CD46: variants seen among roughly 807,000 people sequenced by gnomAD.
The protein encoded by CD46 is membrane cofactor protein.
A neutral mutation model predicts 53.3 loss-of-function variants in CD46; 30 were observed. The observed-to-expected ratio is 0.56, with a 90% CI of 0.42 to 0.76. The LOEUF (loss-of-function observed/expected upper bound fraction) is 0.76. Ranked by LOEUF, CD46 falls within the 30% of genes least tolerant of loss-of-function variation. CD46 has a pLI of 0.00. For missense variants in CD46, 409 were observed against 463.0 expected (o/e 0.88, Z 1.07); for synonymous variants, 142 against 152.0 (o/e 0.93, Z 0.48).
At chr1:207,757,454 A>G (rs749145974) in intron 2 of CD46, 86 bp from the exon 3 acceptor site, 16 of 885,378 alleles carry the variant, frequency 1.8e-5, no homozygotes, top group Non-Finnish European at 2.8e-5. Flanking sequence ...ATTCCCACCC[A>G]TTCAAAAGAG....
chr1:207,785,518 G>A (rs1040644689), intron 10 of CD46, 101 bp from the exon 11 acceptor site: 56 of 863,868 alleles, frequency 6.5e-5, no homozygotes, highest in Non-Finnish European at 8.4e-5. Context: ...AATAACATTT[G>A]ACCACTGAAA....
intron 9 of CD46, 76 bp from the exon 10 acceptor site, chr1:207,784,995 T>C (rs1434583182): frequency 4.8e-6 from 6 of 1,237,952 alleles, no homozygotes; most frequent in Non-Finnish European, 7.1e-6. Flanking sequence ...ATATCAAGTG[T>C]TTAGATGATC....
chr1:207,775,291 TC>T (rs1657976416), intron 8 of CD46, among the ~76,000 whole-genome samples: 1 of 152,244 alleles, frequency 6.6e-6, no homozygotes, highest in Non-Finnish European at 1.5e-5. Flanking sequence ...TAATCTTTTT[TC>T]AAGGTTTTTA....
intron 1 of CD46, among the ~76,000 whole-genome samples, chr1:207,755,584 C>G (rs910750158): frequency 1.3e-5 from 2 of 152,188 alleles, no homozygotes; most frequent in African/African-American, 4.8e-5. Context: ...GGACAAAACC[C>G]GCAATCTCCT....
intron 8 of CD46, among the ~76,000 whole-genome samples, chr1:207,779,884 ATTC>A (rs962170225): frequency 5.0e-5 from 5 of 100,808 alleles, no homozygotes; most frequent in African/African-American, 1.9e-4. Context: ...AACTTTGTCC[ATTC>A]TTCTATTCTT....
intron 3 of CD46, 142 bp from the exon 4 acceptor site, chr1:207,759,497 T>C (rs962083708): frequency 1.3e-5 from 8 of 603,976 alleles, no homozygotes; most frequent in African/African-American, 1.1e-4. Context: ...TTTAGCACTT[T>C]CGTTATATAG....
intron 8 of CD46, among the ~76,000 whole-genome samples, chr1:207,782,228 G>A (rs1238649284): frequency 6.6e-6 from 1 of 151,996 alleles, no homozygotes; most frequent in Non-Finnish European, 1.5e-5. Context: ...TTCATTGTTA[G>A]TGTATAGAAA....
intron 8 of CD46, among the ~76,000 whole-genome samples, chr1:207,782,680 G>A (rs1658873807): frequency 8.9e-6 from 1 of 112,856 alleles, no homozygotes; most frequent in East Asian, 2.8e-4. Context: ...ACAGAGTCTC[G>A]CTGTGTTGCC....
chr1:207,770,805 A>G (rs891953332), intron 8 of CD46, among the ~76,000 whole-genome samples: 5 of 152,178 alleles, frequency 3.3e-5, no homozygotes, highest in African/African-American at 1.2e-4. Flanking sequence ...TCTATCATTG[A>G]TGGACATTCG....
At chr1:207,761,580 A>G (rs1656223299) in intron 5 of CD46, 134 bp downstream of exon 5, 2 of 721,348 alleles carry the variant, frequency 2.8e-6, no homozygotes, top group East Asian at 2.7e-5. Context: ...ATTTATTTTA[A>G]TTCAGGTCAA....
Position 207,752,976 on chromosome 1 carries a change from G to A in CD46, c.97+667G>A, listed in dbSNP as rs917565997. Among the ~76,000 whole-genome samples, 2 of 151,960 alleles carry A rather than the reference G, an allele frequency of 1.3e-5. No homozygotes were observed. Among genetic ancestry groups the A allele is most frequent in the African/African-American group, 2.4e-5 (1 of 41,350 alleles). Reference sequence around the variant, plus strand: ...GTGAGAGCAGGCTCTCGGTGCCTGGGGTTAGAGAGGTGGTAAGGGCGCGCC... The same window carrying A: ...GTGAGAGCAGGCTCTCGGTGCCTGGAGTTAGAGAGGTGGTAAGGGCGCGCC... On this transcript the variant is annotated intron_variant, in intron 1 of 12. Transcript: ENST00000367042. This position sits in a 1 kb window ranked among gnomAD's most constrained non-coding sequence, Gnocchi z 4.1.
intron 10 of CD46, 88 bp downstream of exon 10, chr1:207,785,194 T>G: frequency 9.3e-7 from 1 of 1,073,060 alleles, no homozygotes; most frequent in Non-Finnish European, 1.4e-6. Context: ...TTTCTATAGT[T>G]TTTTCAGCTT....
chr1:207,757,516 A>G (rs1279138634), intron 2 of CD46, 24 bp from the exon 3 acceptor site: 1 of 1,449,026 alleles, frequency 6.9e-7, no homozygotes, highest in Non-Finnish European at 9.6e-7. Context: ...TGGATTGAAA[A>G]CTATCAAAAT....
At chr1:207,792,179 G>A (rs1439042478) in intron 12 of CD46, among the ~76,000 whole-genome samples, 1 of 152,156 alleles carries the variant, frequency 6.6e-6, no homozygotes, top group Non-Finnish European at 1.5e-5. Context: ...AGGAGGCTGA[G>A]GCACAAGAAT....
intron 5 of CD46, among the ~76,000 whole-genome samples, chr1:207,764,747 T>G (rs1656653420): frequency 6.6e-6 from 1 of 152,180 alleles, no homozygotes. Context: ...ATACAAAATG[T>G]CAAAACTCAC....
At chr1:207,791,465 CCA>C (rs1558085465) in intron 12 of CD46, among the ~76,000 whole-genome samples, 1 of 152,162 alleles carries the variant, frequency 6.6e-6, no homozygotes, top group Non-Finnish European at 1.5e-5. Flanking sequence ...AATCTGATAA[CCA>C]AGACAGCTAT....
At chr1:207,779,028 T>G (rs1658432142) in intron 8 of CD46, among the ~76,000 whole-genome samples, 1 of 152,180 alleles carries the variant, frequency 6.6e-6, no homozygotes, top group African/African-American at 2.4e-5. Context: ...TCCTAGGTAT[T>G]TTATTCTTTT....
rs1006504346 is a variant in CD46, at chr1:207,794,394, C to T, written c.*917C>T. ...CTTGTTGTTTTCCCAAAGAGAACTC[C>T]GTATGTTCTCTTAGGTTGAGTAACC... On this transcript the variant is annotated 3_prime_UTR_variant, in exon 13 of 13. Coordinates refer to ENST00000367042, the MANE Select transcript of CD46 (RefSeq NM_172351.3). The T allele has an allele frequency of 4.6e-5, 7 of 152,104 alleles. No homozygotes were observed. Among genetic ancestry groups the T allele is most frequent in the African/African-American group, 1.2e-4 (5 of 41,406 alleles). The allele number at this position is 152,104 out of a possible 1,614,324, so 9.4% of individuals were successfully genotyped here.
At chr1:207,789,755 G>A (rs1023905824) in intron 11 of CD46, among the ~76,000 whole-genome samples, 4 of 151,574 alleles carry the variant, frequency 2.6e-5, no homozygotes, top group African/African-American at 7.3e-5. Context: ...GTGTTAGGCC[G>A]GGTTTGGTGG....
Sources: gnomAD v4.1 joint callset for allele counts (sites outside exome capture counted in the v4.1 genomes callset) on GRCh38, gnomAD v4.1.1 for gene constraint, Gnocchi (gnomAD v3.1) non-coding constraint, MANE v1.5 for transcripts, NCBI Gene and HGNC (gene_info 2026-07-23, HGNC 2026-07-21) for gene names.